STX18: variants seen among roughly 807,000 people sequenced by gnomAD.
The protein encoded by STX18 is syntaxin 18.
A neutral mutation model predicts 50.1 loss-of-function variants in STX18; 40 were observed. That is an observed-to-expected ratio of 0.80 (90% confidence interval 0.62 to 1.04). The LOEUF is 1.04. Among genes scored for constraint, STX18 ranks in the 50% least tolerant of loss-of-function variants. The probability of loss-of-function intolerance (pLI) is 0.00; values close to 1 mark genes in which losing one functional copy is unlikely to be tolerated. For missense variants in STX18, 410 were observed against 415.8 expected (o/e 0.99, Z 0.12); for synonymous variants, 158 against 151.8 (o/e 1.04, Z -0.30).
chr4:4,511,268 T>A (rs929690833), intron 1 of STX18, among the ~76,000 whole-genome samples: 22 of 152,360 alleles, frequency 1.4e-4, no homozygotes, highest in African/African-American at 5.0e-4. Flanking sequence ...CAAAGAGGAA[T>A]GCAGCTTGTC....
rs751562471 is a variant in STX18 at position 4,423,536 on chromosome 4, C to G, written c.813G>C (p.Thr271=). 9.3e-6 allele frequency: 15 copies of G among 1,614,082 alleles called. No homozygotes were observed. Among genetic ancestry groups the G allele is most frequent in the Middle Eastern group, 3.3e-4 (2 of 6,084 alleles). ...TTTTTACCTGTTGCAAAACCTTTTC[C>G]GTGAATATCTCTTGGAGTCTGGAAA... ...VEISRLQEIF[T]EKVLQQEAEI... The change falls in exon 9 of 11, where the codon ACG becomes ACC. Residue 271 remains threonine, a synonymous_variant. Transcript: ENST00000306200.
chr4:4,431,899 A>G (rs111351658), intron 7 of STX18, among the ~76,000 whole-genome samples: 1 of 152,096 alleles, frequency 6.6e-6, no homozygotes, highest in Non-Finnish European at 1.5e-5. Context: ...ACTGCTTGGA[A>G]TCCCTGCGGC....
chr4:4,501,944 T>TATA (rs1729479879), intron 1 of STX18, among the ~76,000 whole-genome samples: 1 of 152,168 alleles, frequency 6.6e-6, no homozygotes, highest in Non-Finnish European at 1.5e-5. Flanking sequence ...CCTGGAGAAG[T>TATA]ATAGCATTTT....
intron 2 of STX18, among the ~76,000 whole-genome samples, chr4:4,467,154 A>G (rs1466650756): frequency 6.6e-6 from 1 of 152,188 alleles, no homozygotes; most frequent in Non-Finnish European, 1.5e-5. Flanking sequence ...TGGGGAGGTT[A>G]GCAGTCTTCT....
At chr4:4,532,206 A>C (rs1205506864) in intron 1 of STX18, among the ~76,000 whole-genome samples, 1 of 152,226 alleles carries the variant, frequency 6.6e-6, no homozygotes, top group Admixed American at 6.5e-5. Flanking sequence ...ATTTAACAGA[A>C]AAAATGTTTG....
At chr4:4,493,103 T>C (rs1729013347) in intron 1 of STX18, among the ~76,000 whole-genome samples, 1 of 152,216 alleles carries the variant, frequency 6.6e-6, no homozygotes. Context: ...GCTCAGAAAG[T>C]GTACTGTAAA....
chr4:4,469,749 CT>C (rs895363883), intron 2 of STX18, among the ~76,000 whole-genome samples: 6 of 152,116 alleles, frequency 3.9e-5, no homozygotes, highest in African/African-American at 1.4e-4. Context: ...GGTCGTCTGG[CT>C]TTTTTCTTCC....
intron 1 of STX18, among the ~76,000 whole-genome samples, chr4:4,535,668 A>T (rs1731298927): frequency 6.6e-6 from 1 of 152,212 alleles, no homozygotes; most frequent in Non-Finnish European, 1.5e-5. Flanking sequence ...GGTTCCTGCC[A>T]TATTTAAAAA....
intron 2 of STX18, among the ~76,000 whole-genome samples, chr4:4,460,497 T>C (rs921323623): frequency 6.6e-6 from 1 of 151,808 alleles, no homozygotes; most frequent in Non-Finnish European, 1.5e-5. Flanking sequence ...CAGGCCCTTC[T>C]AAAAAAGAAA....
chr4:4,463,307 T>C (rs1407701766), intron 2 of STX18, among the ~76,000 whole-genome samples: 1 of 152,250 alleles, frequency 6.6e-6, no homozygotes, highest in Admixed American at 6.5e-5. Flanking sequence ...TAAAACTTTA[T>C]TATGGGCACT....
intron 7 of STX18, 37 bp from the exon 8 acceptor site, chr4:4,425,259 C>T: frequency 6.3e-7 from 1 of 1,587,948 alleles, no homozygotes; most frequent in Non-Finnish European, 8.6e-7. Flanking sequence ...TGACATCATA[C>T]TGAACTTAGG....
Position 4,536,350 on chromosome 4 carries a change from C to T in STX18, c.168+5447G>A, listed in dbSNP as rs186650325. On this transcript the variant is annotated intron_variant, in intron 1 of 10. Transcript: ENST00000306200. ...GAAGCTACAGATTCAGTGCTAACAACACAAAGTTCTTCATTTTCAGAAAAC... is the reference window on the plus strand; with the variant it reads ...GAAGCTACAGATTCAGTGCTAACAATACAAAGTTCTTCATTTTCAGAAAAC... 3.3e-5 allele frequency among the ~76,000 whole-genome samples: 5 copies of T among 152,342 alleles called. No homozygotes were observed. In the East Asian group the frequency reaches 7.7e-4, roughly 23 times the overall value.
intron 9 of STX18, 86 bp from the exon 10 acceptor site, chr4:4,421,030 G>A (rs1724928021): frequency 7.6e-7 from 1 of 1,322,500 alleles, no homozygotes; most frequent in Non-Finnish European, 1.1e-6. Flanking sequence ...TTTCCTTTGA[G>A]TGTCATGTCA....
chr4:4,500,395 A>G (rs372318445), intron 1 of STX18, among the ~76,000 whole-genome samples: 54 of 152,292 alleles, frequency 3.5e-4, no homozygotes, highest in East Asian at 2.9e-3. Context: ...TCTTGTTACT[A>G]TTCTCTAACC....
intron 9 of STX18, 138 bp downstream of exon 9, chr4:4,423,380 C>G (rs1048028019): frequency 9.8e-6 from 8 of 817,120 alleles, no homozygotes; most frequent in South Asian, 8.8e-5. Context: ...AGGAGCTCTG[C>G]GCACACACAC....
intron 1 of STX18, among the ~76,000 whole-genome samples, chr4:4,530,607 A>C (rs984379321): frequency 6.6e-6 from 1 of 152,120 alleles, no homozygotes; most frequent in African/African-American, 2.4e-5. Context: ...AGAAAAGAAA[A>C]GAAACACTGC....
intron 2 of STX18, among the ~76,000 whole-genome samples, chr4:4,471,132 G>A (rs987529664): frequency 5.3e-5 from 8 of 152,190 alleles, no homozygotes; most frequent in African/African-American, 1.7e-4. Flanking sequence ...GACAAAAGAA[G>A]AAAATGGCCA....
At chr4:4,507,283 C>A in intron 1 of STX18, 3 of 712,316 alleles carry the variant, frequency 4.2e-6, no homozygotes, top group Non-Finnish European at 8.0e-6. Context: ...CCAGGCTCTT[C>A]TGGAGCTGGA....
chr4:4,500,790 C>G (rs1298251707), intron 1 of STX18, among the ~76,000 whole-genome samples: 1 of 152,222 alleles, frequency 6.6e-6, no homozygotes, highest in African/African-American at 2.4e-5. Context: ...AATCCCAGCA[C>G]TTTGGGAGGC....
Sources: gnomAD v4.1 joint callset for allele counts (sites outside exome capture counted in the v4.1 genomes callset) on GRCh38, gnomAD v4.1.1 for gene constraint, MANE v1.5 for transcripts, NCBI Gene and HGNC (gene_info 2026-07-23, HGNC 2026-07-21) for gene names.